RIN3: variants seen among roughly 807,000 people sequenced by gnomAD.
RIN3 encodes the protein RAB5 interacting protein 3.
RIN3 carries 54 observed loss-of-function variants against 76.3 expected under a neutral mutation model. The observed-to-expected ratio is 0.71, with a 90% CI of 0.57 to 0.89. The LOEUF is 0.89. Among genes scored for constraint, RIN3 ranks in the 40% least tolerant of loss-of-function variants. The pLI, the probability that RIN3 is intolerant of heterozygous loss-of-function variation, is 0.00. For synonymous variants in RIN3, 576 were observed against 564.0 expected, an observed-to-expected ratio of 1.02 and a Z score of -0.30; for missense variants, 1,256 against 1,322.1, an observed-to-expected ratio of 0.95 and a Z score of 0.78.
At chr14:92,602,625 C>CATTATT (rs137884226) in intron 3 of RIN3, among the ~76,000 whole-genome samples, 3 of 151,980 alleles carry the variant, frequency 2.0e-5, no homozygotes, top group Non-Finnish European at 4.4e-5. Context: ...TGGAAGATGA[C>CATTATT]ATTATTATTA....
intron 2 of RIN3, among the ~76,000 whole-genome samples, chr14:92,574,102 T>TAAAGGACA (rs1257142446): frequency 6.6e-6 from 1 of 152,094 alleles, no homozygotes; most frequent in Non-Finnish European, 1.5e-5. Context: ...ACCAAGGAAA[T>TAAAGGACA]AAAGGACACG....
At position 92,688,384 on chromosome 14, in the gene RIN3, C is replaced by T. The variant is rs1270182807; in HGVS notation, c.*132C>T. 1.1e-5 allele frequency: 9 copies of T among 851,708 alleles called. No homozygotes were observed. In the East Asian group the frequency reaches 2.5e-4, roughly 23 times the overall value. The allele number at this position is 851,708 out of a possible 1,614,324, so 52.8% of individuals were successfully genotyped here. On this transcript the variant is annotated 3_prime_UTR_variant, in exon 10 of 10. Coordinates refer to ENST00000216487, the MANE Select transcript of RIN3 (RefSeq NM_024832.5). ...CCATGACGTGCCCAGGCCAACGTCG[C>T]AGGACAGTTGTGAAAATAACATGAC...
intron 3 of RIN3, among the ~76,000 whole-genome samples, chr14:92,577,928 G>C (rs1228090235): frequency 6.6e-6 from 1 of 152,156 alleles, no homozygotes; most frequent in African/African-American, 2.4e-5. Flanking sequence ...GAGGGTCAAA[G>C]GGACAAACAC....
chr14:92,666,735 A>G (rs767515708), intron 7 of RIN3, among the ~76,000 whole-genome samples: 4 of 152,204 alleles, frequency 2.6e-5, no homozygotes, highest in Non-Finnish European at 5.9e-5. Context: ...AAACAGACTC[A>G]AGCCCAAGAA....
At chr14:92,528,651 C>G (rs1233255346) in intron 1 of RIN3, among the ~76,000 whole-genome samples, 1 of 152,228 alleles carries the variant, frequency 6.6e-6, no homozygotes, top group Non-Finnish European at 1.5e-5. Flanking sequence ...CCCTTGCTTA[C>G]TGTGAGACCT....
At chr14:92,651,462 G>C in intron 5 of RIN3, 120 bp from the exon 6 acceptor site, 1 of 602,402 alleles carries the variant, frequency 1.7e-6, no homozygotes, top group Non-Finnish European at 2.9e-6. Flanking sequence ...CCTCGGAGTA[G>C]TGAAGCAAAT....
intron 7 of RIN3, among the ~76,000 whole-genome samples, chr14:92,664,785 T>C (rs561372831): frequency 6.6e-6 from 1 of 152,326 alleles, no homozygotes; most frequent in Admixed American, 6.5e-5. Flanking sequence ...TTTTGTGGCA[T>C]GTATGTATGT....
intron 3 of RIN3, among the ~76,000 whole-genome samples, chr14:92,597,388 A>G (rs1472301159): frequency 1.3e-5 from 2 of 152,200 alleles, no homozygotes; most frequent in South Asian, 4.1e-4. Flanking sequence ...CAGGGTCCTG[A>G]GGACCAAAAC....
At chr14:92,516,521 G>A (rs1896447976) in intron 1 of RIN3, among the ~76,000 whole-genome samples, 1 of 152,154 alleles carries the variant, frequency 6.6e-6, no homozygotes, top group Admixed American at 6.5e-5. Context: ...GTCCTGACTG[G>A]CACTTAGCTA....
At chr14:92,526,258 C>A (rs554788503) in intron 1 of RIN3, among the ~76,000 whole-genome samples, 1 of 152,064 alleles carries the variant, frequency 6.6e-6, no homozygotes, top group Admixed American at 6.5e-5. Context: ...GAGTTCGAGA[C>A]CAGCCTGGGC....
At chr14:92,669,158 C>A (rs1009061277) in intron 7 of RIN3, among the ~76,000 whole-genome samples, 4 of 152,152 alleles carry the variant, frequency 2.6e-5, no homozygotes, top group Non-Finnish European at 4.4e-5. Flanking sequence ...CTACTATAGA[C>A]CAGGTACCGC....
Position 92,681,125 on chromosome 14 carries a change from G to A in RIN3, c.2468-3862G>A, listed in dbSNP as rs986798872. 7.2e-5 allele frequency among the ~76,000 whole-genome samples: 11 copies of A among 152,346 alleles called. No homozygotes were observed. The highest frequency in any genetic ancestry group is 3.9e-4 in the East Asian group (2 of 5,186). On this transcript the variant is annotated intron_variant, in intron 8 of 9. Transcript: ENST00000216487. This position sits in a 1 kb window ranked among gnomAD's most constrained non-coding sequence, Gnocchi z 4.7. ...CCCCTTTGCCCATGTCCCTTCCCTA[G>A]TCTGCCTGACAGCTGGCCATGCCGG...
At chr14:92,549,539 G>A (rs1047736726) in intron 1 of RIN3, among the ~76,000 whole-genome samples, 3 of 152,256 alleles carry the variant, frequency 2.0e-5, no homozygotes, top group South Asian at 2.1e-4. Context: ...CCACGCTGGA[G>A]TGGAGCTTCC....
intron 7 of RIN3, among the ~76,000 whole-genome samples, chr14:92,660,555 A>G (rs1332660840): frequency 6.6e-6 from 1 of 152,218 alleles, no homozygotes; most frequent in African/African-American, 2.4e-5. Flanking sequence ...TAGCACAGGC[A>G]TGTGTCCATG....
In RIN3 at chr14:92,649,092, G is replaced by A. The variant is rs190891803; in HGVS notation, c.533-2490G>A. ...AATGCCAGGCTAAAGGGTTGAAAGC[G>A]ATTCTCTACAGAGAACCACCAAGGG... On this transcript the variant is annotated intron_variant, in intron 5 of 9. Coordinates refer to ENST00000216487, the MANE Select transcript of RIN3 (RefSeq NM_024832.5). 5.3e-5 allele frequency among the ~76,000 whole-genome samples: 8 copies of A among 152,266 alleles called. No individual in the cohort carries two copies. In the East Asian group the frequency reaches 9.6e-4, roughly 18 times the overall value.
chr14:92,600,731 C>T (rs1885314465), intron 3 of RIN3, among the ~76,000 whole-genome samples: 1 of 152,212 alleles, frequency 6.6e-6, no homozygotes, highest in Non-Finnish European at 1.5e-5. Context: ...CAAACTGGTT[C>T]TCTCTCTCGA....
intron 4 of RIN3, among the ~76,000 whole-genome samples, chr14:92,628,657 G>A (rs952502300): frequency 1.3e-5 from 2 of 152,190 alleles, no homozygotes; most frequent in African/African-American, 4.8e-5. Flanking sequence ...GGCTGGGTGG[G>A]TTTCTTTTGC....
intron 7 of RIN3, among the ~76,000 whole-genome samples, chr14:92,663,613 G>C (rs1218686735): frequency 6.6e-6 from 1 of 152,196 alleles, no homozygotes; most frequent in Non-Finnish European, 1.5e-5. Context: ...GGAGCACCGT[G>C]ACTCCCAATT....
At chr14:92,649,688 G>T (rs566308960) in intron 5 of RIN3, among the ~76,000 whole-genome samples, 1 of 152,326 alleles carries the variant, frequency 6.6e-6, no homozygotes, top group East Asian at 1.9e-4. Flanking sequence ...AGAGCAGCTC[G>T]TCCAGGCCCT....
Sources: gnomAD v4.1 joint callset for allele counts (sites outside exome capture counted in the v4.1 genomes callset) on GRCh38, gnomAD v4.1.1 for gene constraint, Gnocchi (gnomAD v3.1) non-coding constraint, MANE v1.5 for transcripts, NCBI Gene and HGNC (gene_info 2026-07-23, HGNC 2026-07-21) for gene names.